TECTA: variants seen among roughly 807,000 people sequenced by gnomAD.
The protein encoded by TECTA is alpha-tectorin.
TECTA carries 128 observed loss-of-function variants against 216.8 expected under a neutral mutation model. The ratio of observed to expected loss-of-function variants is 0.59; its 90% CI spans 0.51 to 0.68. TECTA has a LOEUF of 0.68. Ranked by LOEUF, TECTA falls within the 30% of genes least tolerant of loss-of-function variation. The probability of loss-of-function intolerance (pLI) is 0.00; values close to 1 mark genes in which losing one functional copy is unlikely to be tolerated. For missense variants in TECTA, 2,551 were observed against 2,786.2 expected (o/e 0.92, Z 1.90); for synonymous variants, 1,089 against 1,117.1 (o/e 0.97, Z 0.50).
intron 6 of TECTA, among the ~76,000 whole-genome samples, chr11:121,117,079 G>A (rs2135065451): frequency 6.6e-6 from 1 of 152,308 alleles, no homozygotes; most frequent in Admixed American, 6.5e-5. Context: ...TTGCAGCCTT[G>A]TGCTATTCAC....
intron 12 of TECTA, among the ~76,000 whole-genome samples, chr11:121,149,852 G>C (rs987131932): frequency 1.3e-5 from 2 of 152,212 alleles, no homozygotes; most frequent in Non-Finnish European, 2.9e-5. Flanking sequence ...GAGAAGCAGC[G>C]GATCAGTTCT....
At position 121,129,726 on chromosome 11, in the gene TECTA, C is replaced by T. The variant is rs769846116; in HGVS notation, c.2456C>T (p.Ser819Phe). 1 of 1,614,204 alleles carries T rather than the reference C, an allele frequency of 6.2e-7. No homozygotes were observed. Among genetic ancestry groups the T allele is most frequent in the South Asian group, 1.1e-5 (1 of 91,074 alleles). ...AACAAAAACAGTACGACAGTGGAGT[C>T]CAAGGGCGTGGTGACTGTCCAGTAC... The part of the protein sequence containing the change: ...YRNKNSTTVE[S>F]KGVVTVQYSD... The change falls in exon 10 of 24, where the codon TCC becomes TTC. Residue 819 changes from serine to phenylalanine, a missense_variant. By Grantham distance (155) the Ser-to-Phe change is radical (BLOSUM62 -2). This residue lies in a region of TECTA where 2,375 missense variants were observed against 2,563.9 expected (regional missense o/e 0.93). Transcript: ENST00000392793.
Position 121,105,795 on chromosome 11 carries a change from A to C in TECTA, c.65-36A>C. ...ATGTAGATTGCCAAACGGCAGAGGG[A>C]GCTGCCATCTATCTAACCATCATCT... is the stretch of plus-strand genomic sequence containing the variant. On this transcript the variant is annotated intron_variant, in intron 2 of 23. Transcript: ENST00000392793. This position sits in a 1 kb window ranked among gnomAD's most constrained non-coding sequence, Gnocchi z 5.3. 6.2e-7 allele frequency: 1 copy of C among 1,613,694 alleles called. No individual in the cohort carries two copies. Among genetic ancestry groups the C allele is most frequent in the East Asian group, 2.2e-5 (1 of 44,866 alleles).
chr11:121,180,153 G>C (rs1249904715), intron 20 of TECTA, among the ~76,000 whole-genome samples: 1 of 151,206 alleles, frequency 6.6e-6, no homozygotes, highest in Non-Finnish European at 1.5e-5. Flanking sequence ...ATTGTAGTTT[G>C]GTGGCTTTCT....
rs1217662514 is a variant in TECTA, at chr11:121,145,923, C to T, written c.3912C>T (p.Ile1304=). ...AAGTGCAGCAGCTGTGCAGCCTGATCCCCAACCAGAACGCTGCCTTCTCCA... is the reference window on the plus strand; with the variant it reads ...AAGTGCAGCAGCTGTGCAGCCTGATTCCCAACCAGAACGCTGCCTTCTCCA... ...FSKVQQLCSL[I]PNQNAAFSKC... is the part of the protein sequence containing the mutation. The change falls in exon 12 of 24, where the codon ATC becomes ATT. Residue 1304 remains isoleucine, a synonymous_variant. Transcript: ENST00000392793. 2 of 1,614,126 alleles carry T rather than the reference C, an allele frequency of 1.2e-6. No homozygotes were observed. The highest frequency in any genetic ancestry group is 3.3e-5 in the Admixed American group (2 of 60,016).
At chr11:121,158,369 A>T in intron 14 of TECTA, 145 bp downstream of exon 14, 9 of 1,203,308 alleles carry the variant, frequency 7.5e-6, no homozygotes, top group Non-Finnish European at 1.1e-5. Context: ...GGTTTTAAAG[A>T]ATCAAAGTAT....
At chr11:121,103,771 G>A (rs1351614754) in intron 2 of TECTA, among the ~76,000 whole-genome samples, 1 of 151,850 alleles carries the variant, frequency 6.6e-6, no homozygotes, top group Admixed American at 6.6e-5. Context: ...TTAAACCTAC[G>A]CCCTTGTGTT....
At chr11:121,145,522 C>T (rs776105683) in intron 11 of TECTA, 33 bp from the exon 12 acceptor site, 3 of 1,611,098 alleles carry the variant, frequency 1.9e-6, no homozygotes, top group Admixed American at 1.7e-5. Flanking sequence ...TCTGGGCCAA[C>T]TGTGTTTCTC....
chr11:121,154,634 T>G (rs975367462), intron 13 of TECTA, among the ~76,000 whole-genome samples: 1 of 152,192 alleles, frequency 6.6e-6, no homozygotes, highest in Non-Finnish European at 1.5e-5. Flanking sequence ...CATAATTCAA[T>G]GAAACCTGGG....
intron 20 of TECTA, among the ~76,000 whole-genome samples, chr11:121,180,299 G>A (rs1280738214): frequency 6.6e-6 from 1 of 152,144 alleles, no homozygotes; most frequent in East Asian, 1.9e-4. Flanking sequence ...AAATGTTCTT[G>A]TAGGGCTGGC....
At chr11:121,187,712 A>G in intron 20 of TECTA, 120 bp from the exon 21 acceptor site, 1 of 1,092,438 alleles carries the variant, frequency 9.2e-7, no homozygotes, top group Non-Finnish European at 1.4e-6. Flanking sequence ...TTCAAATGTA[A>G]AGGCATTTCT....
In TECTA at chr11:121,157,821, A is replaced by C; in HGVS notation, c.4306-20A>C. ...CCTGACCACAGTCTGAATTTAATGC[A>C]AACGGCGCCTCTCTTCCAGCCCAAG... On this transcript the variant is annotated intron_variant, in intron 13 of 23. Coordinates refer to ENST00000392793, the MANE Select transcript of TECTA (RefSeq NM_005422.4). 6.2e-7 allele frequency: 1 copy of C among 1,613,176 alleles called. No homozygotes were observed. Among genetic ancestry groups the C allele is most frequent in the Non-Finnish European group, 8.5e-7 (1 of 1,180,016 alleles).
chr11:121,158,329 T>G, intron 14 of TECTA, 105 bp downstream of exon 14: 1 of 1,463,298 alleles, frequency 6.8e-7, no homozygotes, highest in Non-Finnish European at 9.4e-7. Flanking sequence ...GATAGATTGT[T>G]GCTTCATGGT....
At position 121,145,601 on chromosome 11, in the gene TECTA, A is replaced by G. The variant is rs1264384785; in HGVS notation, c.3590A>G (p.Lys1197Arg). 3 of 1,614,094 alleles carry G rather than the reference A, an allele frequency of 1.9e-6. No individual in the cohort carries two copies. The African/African-American group carries it at 4.0e-5, about 22-fold the overall frequency. ...LYLPLKLGQG[K>R]INIFSFGFHV... is the part of the protein sequence containing the mutation. ...CTGCCCCTGAAGCTGGGGCAAGGGA[A>G]GATAAATATCTTTTCCTTTGGCTTC... The change falls in exon 12 of 24, where the codon AAG (lysine) becomes AGG (arginine). Residue 1197 changes from lysine (K) to arginine (R), a missense_variant. By Grantham distance (26) the Lys-to-Arg change is conservative. Coordinates refer to ENST00000392793, the MANE Select transcript of TECTA (RefSeq NM_005422.4).
At chr11:121,137,045 G>A (rs1016462618) in intron 10 of TECTA, among the ~76,000 whole-genome samples, 6 of 152,144 alleles carry the variant, frequency 3.9e-5, no homozygotes, top group African/African-American at 1.4e-4. Context: ...TCCCAAATGA[G>A]GATGACTACA....
At position 121,187,533 on chromosome 11, in the gene TECTA, C is replaced by T. The variant is rs181781732; in HGVS notation, c.6000-299C>T. Among the ~76,000 whole-genome samples, 334 of 152,184 alleles carry T rather than the reference C, an allele frequency of 2.2e-3. 1 individual carries two copies. The highest frequency in any genetic ancestry group is 3.6e-3 in the Non-Finnish European group (242 of 68,012). On this transcript the variant is annotated intron_variant, in intron 20 of 23. Transcript: ENST00000392793. ...GGTAGAACACAACATTATGAGGGGG[C>T]GGAATGAGAAACTGAAGCGTGGGGA...
At chr11:121,107,941 G>C (rs547618380) in intron 3 of TECTA, among the ~76,000 whole-genome samples, 1 of 152,290 alleles carries the variant, frequency 6.6e-6, no homozygotes, top group East Asian at 1.9e-4. Context: ...AGCTGGAATG[G>C]AACTGGGCAT....
chr11:121,166,723 A>T lies in TECTA; in HGVS notation c.5529A>T (p.Glu1843Asp). The T allele has an allele frequency of 6.2e-7, 1 of 1,614,180 alleles. No individual in the cohort carries two copies. Among genetic ancestry groups the T allele is most frequent in the Non-Finnish European group, 8.5e-7 (1 of 1,180,014 alleles). The change falls in exon 18 of 24, where the codon GAA (glutamate) becomes GAT (aspartate). Residue 1843 changes from glutamate (E) to aspartate (D), a missense_variant. By Grantham distance (45) the Glu-to-Asp change is conservative (BLOSUM62 2). This residue lies in a region of TECTA where 2,375 missense variants were observed against 2,563.9 expected (regional missense o/e 0.93). Coordinates refer to ENST00000392793, the MANE Select transcript of TECTA (RefSeq NM_005422.4). ...GACAGTGCACCGGCATCGAGGGGGA[A>T]GATTTTATCTCCTTTCAGATCAACA... ...NDRQCTGIEG[E>D]DFISFQINNT...
chr11:121,127,990 C>T lies in TECTA; in HGVS notation c.2013C>T (p.Cys671=). Residue 671 remains cysteine, a synonymous_variant, in exon 9 of 24, where the codon TGC becomes TGT. Coordinates refer to ENST00000392793, the MANE Select transcript of TECTA (RefSeq NM_005422.4). The surrounding 1 kb of genome is among the most constrained non-coding windows in gnomAD (Gnocchi z 5.0). ...MGEFFWATAN[C]TVQCLCEEGG... ...AGTTCTTCTGGGCCACGGCCAACTG[C>T]ACTGTGCAATGCCTGTGCGAGGAGG... 4 of 1,614,132 alleles carry T rather than the reference C, an allele frequency of 2.5e-6. No individual in the cohort carries two copies. The highest frequency in any genetic ancestry group is 1.6e-4 in the Middle Eastern group (1 of 6,062).
Sources: allele counts gnomAD v4.1 joint callset (sites outside exome capture counted in the v4.1 genomes callset), GRCh38; gene constraint gnomAD v4.1.1; regional missense constraint gnomAD v4.1.1; non-coding constraint Gnocchi (gnomAD v3.1); transcripts MANE v1.5; gene names NCBI Gene and HGNC (gene_info 2026-07-23, HGNC 2026-07-21).